Variants in PRL observed in about 807,000 individuals in gnomAD.
PRL encodes the protein decidual prolactin.
A neutral mutation model predicts 21.3 loss-of-function variants in PRL; 24 were observed. The ratio of observed to expected loss-of-function variants is 1.13; its 90% CI spans 0.82 to 1.59. PRL has a LOEUF of 1.59. Among genes scored for constraint, PRL ranks in the 40% most tolerant of loss-of-function variants. The pLI is 0.00. For synonymous variants in PRL, 118 were observed against 115.7 expected (o/e 1.02, Z -0.13); for missense variants, 243 against 286.9 (o/e 0.85, Z 1.10).
At position 22,296,936 on chromosome 6, in the gene PRL, A is replaced by G. The variant is rs555242003; in HGVS notation, c.28+19T>C. The G allele has an allele frequency of 6.8e-6, 11 of 1,613,214 alleles. No individual in the cohort carries two copies. In the African/African-American group the frequency reaches 8.0e-5, roughly 12 times the overall value. On this transcript the variant is annotated intron_variant, in intron 1 of 4. Coordinates refer to ENST00000306482, the MANE Select transcript of PRL (RefSeq NM_000948.6). ...GGAGTGTTGATACAACCAACAACGCAGTGAGTTGTCACACATACCTTTCCA... is the reference window on the plus strand; with the variant it reads ...GGAGTGTTGATACAACCAACAACGCGGTGAGTTGTCACACATACCTTTCCA...
chr6:22,292,559 C>T lies in PRL; in HGVS notation c.291G>A (p.Lys97=), dbSNP rs971300751. Residue 97 remains lysine (K), a synonymous_variant, in exon 3 of 5, where the codon AAG becomes AAA. Transcript: ENST00000306482. Reference sequence around the variant, plus strand: ...TCACATTCATCTGTTGGGCTTGCTCCTTGTCTTCGGGGGTGGCAAGGGAAG... The same window carrying T: ...TCACATTCATCTGTTGGGCTTGCTCTTTGTCTTCGGGGGTGGCAAGGGAAG... The part of the protein sequence containing the change: ...HTSSLATPED[K]EQAQQMNQKD... 2 of 1,614,054 alleles carry T rather than the reference C, an allele frequency of 1.2e-6. No homozygotes were observed. Among genetic ancestry groups the T allele is most frequent in the South Asian group, 1.1e-5 (1 of 91,068 alleles).
upstream of PRL, among the ~76,000 whole-genome samples, chr6:22,298,720 C>T (rs1340927077): frequency 1.3e-5 from 2 of 152,100 alleles, no homozygotes; most frequent in African/African-American, 4.8e-5. Context: ...TGGAGAGAGT[C>T]TGAATTATTA....
chr6:22,287,274 A>G lies in PRL; in HGVS notation c.*128T>C. The stretch of plus-strand genomic sequence containing the variant: ...TAGATTTTGATGTCTCTAAGGAGTC[A>G]GTTTTTATTTTTTAAGAGGAGACCT... On this transcript the variant is annotated 3_prime_UTR_variant, in exon 5 of 5. Transcript: ENST00000306482. 1 of 904,530 alleles carries G rather than the reference A, an allele frequency of 1.1e-6. No individual in the cohort carries two copies. The highest frequency in any genetic ancestry group is 2.8e-5 in the Admixed American group (1 of 35,816). The allele number at this position is 904,530 out of a possible 1,614,324, so 56.0% of individuals were successfully genotyped here.
At chr6:22,292,339 A>T (rs1295488520) in intron 3 of PRL, among the ~76,000 whole-genome samples, 199 bp downstream of exon 3, 2 of 152,196 alleles carry the variant, frequency 1.3e-5, no homozygotes, top group Non-Finnish European at 2.9e-5. Context: ...TGCTATTTAG[A>T]TTGCTGCCAC....
rs1760962170 is a variant in PRL at position 22,288,101 on chromosome 6, G to A, written c.493-508C>T. ...TTGTACTCACACTTGATGCTTTGGG[G>A]TACAGATAATTTAGTGATGACCATG... On this transcript the variant is annotated intron_variant, in intron 4 of 4. Transcript: ENST00000306482. This position sits in a 1 kb window ranked among gnomAD's most constrained non-coding sequence, Gnocchi z 4.5. Among the ~76,000 whole-genome samples the A allele has an allele frequency of 6.6e-6, 1 of 152,116 alleles. No homozygotes were observed.
chr6:22,291,807 A>G (rs1761055287), intron 3 of PRL, among the ~76,000 whole-genome samples: 1 of 152,226 alleles, frequency 6.6e-6, no homozygotes. Context: ...TTTGTTTTAA[A>G]TCATGTTAAG....
chr6:22,293,381 G>A (rs902805200), intron 2 of PRL, among the ~76,000 whole-genome samples: 8 of 151,956 alleles, frequency 5.3e-5, no homozygotes, highest in African/African-American at 1.4e-4. Context: ...AAGATGGCCA[G>A]TCAAAAATGG....
In PRL at chr6:22,288,953, C is replaced by T. The variant is rs546914118; in HGVS notation, c.492+1221G>A. ...GTGTGTGCATGTGTGTGTGCGTGCG[C>T]GTGTGTGTGCGTGTGTGTATTCATT... On this transcript the variant is annotated intron_variant, in intron 4 of 4. Transcript: ENST00000306482. This position sits in a 1 kb window ranked among gnomAD's most constrained non-coding sequence, Gnocchi z 4.5. 2.6e-5 allele frequency among the ~76,000 whole-genome samples: 4 copies of T among 151,512 alleles called. No individual in the cohort carries two copies. Among genetic ancestry groups the T allele is most frequent in the South Asian group, 2.1e-4 (1 of 4,774 alleles).
rs928933523 is a variant in PRL, at chr6:22,288,533, T to C, written c.493-940A>G. Among the ~76,000 whole-genome samples, 1 of 142,298 alleles carries C rather than the reference T, an allele frequency of 7.0e-6. No individual in the cohort carries two copies. The highest frequency in any genetic ancestry group is 2.6e-5 in the African/African-American group (1 of 38,728). The allele number at this position is 142,298 out of a possible 152,430, so 93.4% of individuals were successfully genotyped here. ...ATAGGTGACACAGTGAGAACTTGTC[T>C]AAAAAAAAAAAGGTCAGGGGGTTGC... is the stretch of plus-strand genomic sequence containing the variant. On this transcript the variant is annotated intron_variant, in intron 4 of 4. Transcript: ENST00000306482. This position sits in a 1 kb window ranked among gnomAD's most constrained non-coding sequence, Gnocchi z 4.5.
upstream of PRL, among the ~76,000 whole-genome samples, chr6:22,300,697 G>T (rs1006421391): frequency 3.3e-5 from 5 of 152,318 alleles, no homozygotes; most frequent in African/African-American, 9.6e-5. Context: ...GGGCTTTGGA[G>T]GTCATCAGTT....
At chr6:22,302,360 T>C (rs1761298408), upstream of PRL, among the ~76,000 whole-genome samples, 2 of 150,990 alleles carry the variant, frequency 1.3e-5, no homozygotes, top group South Asian at 2.1e-4. Flanking sequence ...AACAAAAATA[T>C]GCAATTAGGA....
rs1380149217 is a variant in PRL at position 22,297,034 on chromosome 6, C to G, written c.-52G>C. 6.3e-7 allele frequency: 1 copy of G among 1,598,230 alleles called. No homozygotes were observed. The highest frequency in any genetic ancestry group is 8.6e-7 in the Non-Finnish European group (1 of 1,167,030). On this transcript the variant is annotated 5_prime_UTR_variant, in exon 1 of 5. Coordinates refer to ENST00000306482, the MANE Select transcript of PRL (RefSeq NM_000948.6). ...TTCACCAGAGAAGATCTGGAAGTCT[C>G]ACGGTTTTCTCTTTCCCAGATATTG... is the stretch of plus-strand genomic sequence containing the variant.
chr6:22,290,385 A>T, intron 3 of PRL, 32 bp from the exon 4 acceptor site: 2 of 1,482,550 alleles, frequency 1.3e-6, no homozygotes, highest in Non-Finnish European at 1.8e-6. Context: ...TTGCATTAAA[A>T]TAGGTAAAAT....
intron 1 of PRL, among the ~76,000 whole-genome samples, chr6:22,295,765 A>G (rs1418330735): frequency 6.7e-6 from 1 of 148,258 alleles, no homozygotes; most frequent in African/African-American, 2.6e-5. Context: ...TGCCCAATAT[A>G]AAACTGTGTT....
upstream of PRL, among the ~76,000 whole-genome samples, chr6:22,298,372 G>A (rs1761221202): frequency 6.6e-6 from 1 of 152,120 alleles, no homozygotes; most frequent in African/African-American, 2.4e-5. Flanking sequence ...TGCATCTAAA[G>A]CAGCCTGTGA....
At chr6:22,298,835 ACTTAAT>A (rs1217587289), upstream of PRL, among the ~76,000 whole-genome samples, 3 of 152,154 alleles carry the variant, frequency 2.0e-5, no homozygotes, top group African/African-American at 7.2e-5. Context: ...GACAATGACA[ACTTAAT>A]CTTAAAATTT....
Position 22,294,574 on chromosome 6 carries a change from C to T in PRL, c.39G>A (p.Leu13=). 6.3e-7 allele frequency: 1 copy of T among 1,588,852 alleles called. No homozygotes were observed. Among genetic ancestry groups the T allele is most frequent in the Non-Finnish European group, 8.6e-7 (1 of 1,167,892 alleles). The stretch of plus-strand genomic sequence containing the variant: ...GGAGCAGGTTTGACACCAGCAGCAG[C>T]AGGAGGGACCCTGCTTAAATAAGAA... ...IKGSPWKGSL[L]LLLVSNLLLC... is the part of the protein sequence containing the mutation. Residue 13 remains leucine (L), a synonymous_variant, in exon 2 of 5, where the codon CTG becomes CTA. Transcript: ENST00000306482.
At chr6:22,292,502 G>T in intron 3 of PRL, 36 bp downstream of exon 3, 1 of 1,575,304 alleles carries the variant, frequency 6.3e-7, no homozygotes, top group Non-Finnish European at 8.7e-7. Flanking sequence ...ATACTGCCTT[G>T]GTTGTTTTGG....
upstream of PRL, among the ~76,000 whole-genome samples, chr6:22,300,373 T>C (rs946892157): frequency 1.3e-5 from 2 of 152,232 alleles, no homozygotes; most frequent in Non-Finnish European, 2.9e-5. Context: ...TGGCCAATCT[T>C]AGCAGCTGAG....
Sources: allele counts gnomAD v4.1 joint callset (sites outside exome capture counted in the v4.1 genomes callset), GRCh38; gene constraint gnomAD v4.1.1; non-coding constraint Gnocchi (gnomAD v3.1); transcripts MANE v1.5; gene names NCBI Gene and HGNC (gene_info 2026-07-23, HGNC 2026-07-21).